CPQ: variants seen among roughly 807,000 people sequenced by gnomAD.
CPQ encodes the protein carboxypeptidase Q.
Under a neutral mutation model 45.7 loss-of-function variants are expected in CPQ, and 37 were observed. The observed-to-expected ratio is 0.81, with a 90% CI of 0.62 to 1.07. The LOEUF is 1.07. Among genes scored for constraint, CPQ ranks in the 50% least tolerant of loss-of-function variants. CPQ has a pLI of 0.00. For synonymous variants in CPQ, 186 were observed against 205.8 expected (o/e 0.90, Z 0.82); for missense variants, 537 against 572.9 (o/e 0.94, Z 0.64).
intron 5 of CPQ, among the ~76,000 whole-genome samples, chr8:97,016,928 GACAGA>G (rs1809590613): frequency 6.6e-6 from 1 of 152,188 alleles, no homozygotes; most frequent in African/African-American, 2.4e-5. Flanking sequence ...CACTCGGATG[GACAGA>G]ACAGTGTGTG....
chr8:96,717,024 A>AATATATATAT (rs58338307), intron 1 of CPQ, among the ~76,000 whole-genome samples: 38 of 56,556 alleles, frequency 6.7e-4, no homozygotes, highest in African/African-American at 1.1e-3. Context: ...CCATGATATA[A>AATATATATAT]ATATATATAT....
intron 4 of CPQ, among the ~76,000 whole-genome samples, chr8:96,942,014 A>G (rs1813128643): frequency 6.6e-6 from 1 of 152,186 alleles, no homozygotes; most frequent in Non-Finnish European, 1.5e-5. Flanking sequence ...TAATGGTAAT[A>G]TATGAGCTGG....
intron 1 of CPQ, among the ~76,000 whole-genome samples, chr8:96,720,342 G>A (rs933572055): frequency 5.9e-5 from 9 of 152,104 alleles, no homozygotes; most frequent in African/African-American, 2.2e-4. Context: ...TATTGTATGA[G>A]GGACATTGTA....
At chr8:96,845,425 T>G (rs1261245363) in intron 3 of CPQ, among the ~76,000 whole-genome samples, 1 of 152,212 alleles carries the variant, frequency 6.6e-6, no homozygotes, top group Admixed American at 6.5e-5. Flanking sequence ...TTAAAAATCA[T>G]CTAAGACAAT....
chr8:96,740,007 T>C (rs889492766), intron 1 of CPQ, among the ~76,000 whole-genome samples: 2 of 152,138 alleles, frequency 1.3e-5, no homozygotes, highest in Non-Finnish European at 2.9e-5. Context: ...AGAAAGTCAT[T>C]GGTAGCTTCA....
chr8:96,816,706 G>A (rs183068569), intron 2 of CPQ, among the ~76,000 whole-genome samples: 1 of 152,258 alleles, frequency 6.6e-6, no homozygotes, highest in African/African-American at 2.4e-5. Context: ...CAGATTGGAT[G>A]TTGTATTAGC....
chr8:96,777,760 A>ATTTT (rs1163639654), intron 1 of CPQ, among the ~76,000 whole-genome samples: 2 of 14,060 alleles, frequency 1.4e-4, no homozygotes, highest in African/African-American at 6.7e-4. Context: ...ATATATATAT[A>ATTTT]TTTTTTTTTT....
Position 96,879,663 on chromosome 8 carries a change from A to ATACT in CPQ, c.642-133_642-130dup, listed in dbSNP as rs1377345514. The ATACT allele has an allele frequency of 7.9e-6, 5 of 632,476 alleles. No individual in the cohort carries two copies. The African/African-American group carries it at 9.2e-5, about 12-fold the overall frequency. The allele number at this position is 632,476 out of a possible 1,614,324, so 39.2% of individuals were successfully genotyped here. On this transcript the variant is annotated intron_variant, in intron 3 of 7. Coordinates refer to ENST00000220763, the MANE Select transcript of CPQ (RefSeq NM_016134.4). The stretch of plus-strand genomic sequence containing the variant: ...ATTCACATCAAAAGCAAGTAAATCA[A>ATACT]TACTTCCCACATTTCCTGTTTCCCA...
chr8:96,654,807 A>G (rs987738208), intron 1 of CPQ, among the ~76,000 whole-genome samples: 1 of 152,222 alleles, frequency 6.6e-6, no homozygotes, highest in African/African-American at 2.4e-5. Context: ...GGAGGTTAGC[A>G]GCTTTATAGA....
At chr8:97,133,955 G>A (rs545577449) in intron 7 of CPQ, among the ~76,000 whole-genome samples, 2 of 152,292 alleles carry the variant, frequency 1.3e-5, no homozygotes, top group South Asian at 4.2e-4. Context: ...AACATACTGA[G>A]TTCTACATAA....
intron 4 of CPQ, among the ~76,000 whole-genome samples, chr8:96,932,480 A>G (rs1812987837): frequency 2.0e-5 from 3 of 152,156 alleles, no homozygotes; most frequent in Admixed American, 6.5e-5. Flanking sequence ...ATCTAGCTCT[A>G]GTTCATCCAT....
intron 4 of CPQ, among the ~76,000 whole-genome samples, chr8:96,908,107 C>CGTGTGTGTGT (rs35548556): frequency 5.2e-4 from 76 of 145,814 alleles, no homozygotes; most frequent in Non-Finnish European, 6.0e-4. Flanking sequence ...CCCACTGCAA[C>CGTGTGTGTGT]GTGTGTGTGT....
At chr8:96,998,645 A>G (rs1293451008) in intron 5 of CPQ, among the ~76,000 whole-genome samples, 1 of 152,032 alleles carries the variant, frequency 6.6e-6, no homozygotes, top group Non-Finnish European at 1.5e-5. Context: ...CATTATAATG[A>G]AGCTAAAGAA....
At chr8:96,980,369 G>A (rs1366122883) in intron 5 of CPQ, among the ~76,000 whole-genome samples, 3 of 152,168 alleles carry the variant, frequency 2.0e-5, no homozygotes, top group Non-Finnish European at 4.4e-5. Flanking sequence ...CTGGTCTCAA[G>A]TGATCTGCCC....
intron 3 of CPQ, among the ~76,000 whole-genome samples, chr8:96,870,631 A>G (rs1812054940): frequency 6.6e-6 from 1 of 151,982 alleles, no homozygotes; most frequent in Non-Finnish European, 1.5e-5. Context: ...CATCTGTACA[A>G]TGGGGACAGT....
intron 1 of CPQ, among the ~76,000 whole-genome samples, chr8:96,724,449 A>G (rs1384832097): frequency 4.0e-5 from 6 of 151,724 alleles, no homozygotes; most frequent in Admixed American, 1.3e-4. Context: ...CATAACATTC[A>G]AGCTGAGAGC....
intron 4 of CPQ, among the ~76,000 whole-genome samples, chr8:96,960,743 CTG>C (rs1278663103): frequency 6.6e-6 from 1 of 152,124 alleles, no homozygotes; most frequent in Non-Finnish European, 1.5e-5. Flanking sequence ...TATATTATTA[CTG>C]AAGATTATAT....
intron 2 of CPQ, among the ~76,000 whole-genome samples, chr8:96,817,412 A>G (rs1161251826): frequency 6.6e-6 from 1 of 152,104 alleles, no homozygotes; most frequent in East Asian, 1.9e-4. Flanking sequence ...AAATATTGCA[A>G]TAACTTTTCT....
chr8:96,940,615 AACTTG>A (rs1224593989), intron 4 of CPQ, among the ~76,000 whole-genome samples: 2 of 152,220 alleles, frequency 1.3e-5, no homozygotes, highest in African/African-American at 4.8e-5. Context: ...GAGAGAAGGA[AACTTG>A]ACTTCTGTAT....
Sources: allele counts gnomAD v4.1 joint callset (sites outside exome capture counted in the v4.1 genomes callset), GRCh38; gene constraint gnomAD v4.1.1; transcripts MANE v1.5; gene names NCBI Gene and HGNC (gene_info 2026-07-23, HGNC 2026-07-21).